The following ATXN2L variants were observed in gnomAD, a reference collection of about 807,000 sequenced individuals.
The protein encoded by ATXN2L is ataxin-2-like protein.
Under a neutral mutation model 120.7 loss-of-function variants are expected in ATXN2L, and 24 were observed. The ratio of observed to expected loss-of-function variants is 0.20; its 90% CI spans 0.14 to 0.28. ATXN2L has a LOEUF of 0.28. Ranked by LOEUF, ATXN2L falls within the 10% of genes least tolerant of loss-of-function variation. The pLI, the probability that ATXN2L is intolerant of heterozygous loss-of-function variation, is 1.00. For synonymous variants in ATXN2L, 653 were observed against 568.1 expected (o/e 1.15, Z -2.13); for missense variants, 1,312 against 1,432.3 (o/e 0.92, Z 1.36).
At position 28,833,239 on chromosome 16, in the gene ATXN2L, C is replaced by G. The variant is rs1280152256; in HGVS notation, c.1840C>G (p.Pro614Ala). ...TAAGGAGGACAAACCACCCCTGGCA[C>G]CATCAGGAGGCACTGAGGGGCCAGA... ...SDKEDKPPLA[P>A]SGGTEGPEQP... The change falls in exon 14 of 22, where the codon CCA becomes GCA. Residue 614 changes from proline (P) to alanine (A), a missense_variant. Physicochemically the swap from Pro to Ala is conservative, Grantham distance 27. Transcript: ENST00000336783. 1.2e-6 allele frequency: 2 copies of G among 1,614,060 alleles called. No homozygotes were observed. Among genetic ancestry groups the G allele is most frequent in the African/African-American group, 2.7e-5 (2 of 74,928 alleles).
chr16:28,825,669 A>G lies in ATXN2L; in HGVS notation c.382A>G (p.Thr128Ala). The change falls in exon 3 of 22, where the codon ACA (threonine) becomes GCA (alanine). Residue 128 changes from threonine to alanine, a missense_variant. Transcript: ENST00000336783. ...CAATTCCAGAATGCTGCATTTCCTT[A>G]CAGCTGTTGTGGTAAGTTGGTACTT... Reference protein sequence around the residue: ...YNNSRMLHFLTAVVGSTCDVK... With the variant: ...YNNSRMLHFLAAVVGSTCDVK... The G allele has an allele frequency of 6.2e-7, 1 of 1,613,834 alleles. No homozygotes were observed.
Position 28,824,127 on chromosome 16 carries a change from C to G in ATXN2L, c.299+569C>G, listed in dbSNP as rs536232378. 41 of 1,023,224 alleles carry G rather than the reference C, an allele frequency of 4.0e-5. No homozygotes were observed. In the South Asian group the frequency reaches 1.1e-3, roughly 28 times the overall value. 63.4% of individuals were successfully genotyped at this position (1,023,224 alleles called of 1,614,324 possible). A position where few individuals can be genotyped will look rare whatever the true frequency, so the allele number is the denominator to read the frequency against. ...TGGGAGGACTGCGGGCCGGGAGCCT[C>G]TGGCGCGCGCGCCCCCTTCCCGTAC... On this transcript the variant is annotated intron_variant, in intron 1 of 21. Coordinates refer to ENST00000336783, the MANE Select transcript of ATXN2L (RefSeq NM_007245.4).
In ATXN2L at chr16:28,834,698, C is replaced by CT; in HGVS notation, c.2433+6dup. On this transcript the variant is annotated splice_donor_region_variant and intron_variant, in intron 18 of 21. Coordinates refer to ENST00000336783, the MANE Select transcript of ATXN2L (RefSeq NM_007245.4). Reference sequence around the variant, plus strand: ...ATGGCCCACTACCCCTCACAGGTGACTGCGGCCCAGGAGGGCAGTGAGGAT... The same window carrying CT: ...ATGGCCCACTACCCCTCACAGGTGACTTGCGGCCCAGGAGGGCAGTGAGGAT... 6.2e-7 allele frequency: 1 copy of CT among 1,604,936 alleles called. No individual in the cohort carries two copies. The highest frequency in any genetic ancestry group is 8.5e-7 in the Non-Finnish European group (1 of 1,173,858).
intron 15 of ATXN2L, 123 bp from the exon 16 acceptor site, chr16:28,833,942 C>A: frequency 8.7e-7 from 1 of 1,148,840 alleles, no homozygotes; most frequent in Non-Finnish European, 1.2e-6. Flanking sequence ...GAGGCTTTAT[C>A]AAGATAAGTG....
chr16:28,826,335 A>T lies in ATXN2L; in HGVS notation c.561A>T (p.Pro187=), dbSNP rs1423041537. ...EDIVDTMVFK[P]SDVMLVHFRN... ...TTGTGGACACCATGGTGTTTAAGCC[A>T]AGTGATGTCATGCTTGTTCACTTCC... is the stretch of plus-strand genomic sequence containing the variant. The change falls in exon 5 of 22, where the codon CCA becomes CCT. Residue 187 remains proline, a synonymous_variant. Coordinates refer to ENST00000336783, the MANE Select transcript of ATXN2L (RefSeq NM_007245.4). 2 of 1,614,206 alleles carry T rather than the reference A, an allele frequency of 1.2e-6. No homozygotes were observed. The highest frequency in any genetic ancestry group is 4.5e-5 in the East Asian group (2 of 44,882).
Position 28,823,254 on chromosome 16 carries a change from G to A in ATXN2L, c.-6G>A. On this transcript the variant is annotated 5_prime_UTR_variant, in exon 1 of 22. Transcript: ENST00000336783. ...CTCTCTAATTCCCCTTCCGGACGCT[G>A]CCATCATGTTGAAGCCTCAGCCGCT... is the stretch of plus-strand genomic sequence containing the variant. 2 of 1,457,874 alleles carry A rather than the reference G, an allele frequency of 1.4e-6. No individual in the cohort carries two copies. Among genetic ancestry groups the A allele is most frequent in the South Asian group, 1.4e-5 (1 of 71,742 alleles). 90.3% of individuals were successfully genotyped at this position (1,457,874 alleles called of 1,614,324 possible).
chr16:28,833,779 C>A, intron 15 of ATXN2L: 1 of 608,510 alleles, frequency 1.6e-6, no homozygotes, highest in Non-Finnish European at 2.9e-6. Context: ...TGGCATTTGG[C>A]TGAGGGAGTA....
intron 1 of ATXN2L, chr16:28,824,789 C>T (rs1200262337): frequency 5.3e-6 from 1 of 187,064 alleles, no homozygotes; most frequent in African/African-American, 2.4e-5. Context: ...GCCCCTTTCT[C>T]GTTGGTTCTT....
In ATXN2L at chr16:28,823,233, C is replaced by T. The variant is rs762800477; in HGVS notation, c.-27C>T. ...GGCCCCCTCTCTCCCTCCCTTCTCT[C>T]TAATTCCCCTTCCGGACGCTGCCAT... On this transcript the variant is annotated 5_prime_UTR_variant, in exon 1 of 22. Transcript: ENST00000336783. 5 of 1,412,950 alleles carry T rather than the reference C, an allele frequency of 3.5e-6. No individual in the cohort carries two copies. Among genetic ancestry groups the T allele is most frequent in the African/African-American group, 1.5e-5 (1 of 66,956 alleles). 87.5% of individuals were successfully genotyped at this position (1,412,950 alleles called of 1,614,324 possible).
chr16:28,834,770 TG>T, intron 18 of ATXN2L, 77 bp downstream of exon 18: 1 of 1,470,566 alleles, frequency 6.8e-7, no homozygotes, highest in Admixed American at 2.1e-5. Flanking sequence ...ACTTGGGAGC[TG>T]GCTAGGGGTG....
chr16:28,830,740 T>C lies in ATXN2L; in HGVS notation c.1160T>C (p.Leu387Pro). Residue 387 changes from leucine (L) to proline (P), a missense_variant, in exon 9 of 22, where the codon CTG becomes CCG. Leu to Pro is a moderately conservative substitution (Grantham distance 98). Coordinates refer to ENST00000336783, the MANE Select transcript of ATXN2L (RefSeq NM_007245.4). Reference protein sequence around the residue: ...SSLPPRGPHHLDNSSPGPGSE... With the variant: ...SSLPPRGPHHPDNSSPGPGSE... Reference sequence around the variant, plus strand: ...TTGCCACCTCGTGGCCCTCACCATCTGGACAACAGCAGCCCTGGCCCAGGT... The same window carrying C: ...TTGCCACCTCGTGGCCCTCACCATCCGGACAACAGCAGCCCTGGCCCAGGT... 1 of 1,613,178 alleles carries C rather than the reference T, an allele frequency of 6.2e-7. No individual in the cohort carries two copies. The highest frequency in any genetic ancestry group is 8.5e-7 in the Non-Finnish European group (1 of 1,179,692).
In ATXN2L at chr16:28,833,124, G is replaced by A. The variant is rs376795036; in HGVS notation, c.1725G>A (p.Glu575=). ...TTCCTCCCCGGATCTTAAAGGAGGA[G>A]CCCAAAGGAAAGGAGAAAGAGGTTG... is the stretch of plus-strand genomic sequence containing the variant. ...DPFPPRILKE[E]PKGKEKEVDG... The change falls in exon 14 of 22, where the codon GAG becomes GAA. Residue 575 remains glutamate (E), a synonymous_variant. Transcript: ENST00000336783. 3.1e-6 allele frequency: 5 copies of A among 1,614,220 alleles called. No individual in the cohort carries two copies. Among genetic ancestry groups the A allele is most frequent in the Non-Finnish European group, 4.2e-6 (5 of 1,180,026 alleles).
chr16:28,830,084 A>C (rs778052449), intron 8 of ATXN2L, 26 bp downstream of exon 8: 1 of 1,592,470 alleles, frequency 6.3e-7, no homozygotes, highest in South Asian at 1.1e-5. Context: ...AGCCAGGACT[A>C]CTTGGGGCTT....
At position 28,836,716 on chromosome 16, in the gene ATXN2L, C is replaced by G. The variant is rs777876148; in HGVS notation, c.*451C>G. On this transcript the variant is annotated 3_prime_UTR_variant, in exon 22 of 22. Coordinates refer to ENST00000336783, the MANE Select transcript of ATXN2L (RefSeq NM_007245.4). ...TAATGCTCCTGCTCTCTTCTCTTTCCCCTCCAACCAGTTCAATCTCATCCC... is the reference window on the plus strand; with the variant it reads ...TAATGCTCCTGCTCTCTTCTCTTTCGCCTCCAACCAGTTCAATCTCATCCC... The G allele has an allele frequency of 6.2e-7, 1 of 1,613,826 alleles. No homozygotes were observed. Among genetic ancestry groups the G allele is most frequent in the East Asian group, 2.2e-5 (1 of 44,876 alleles).
At position 28,835,298 on chromosome 16, in the gene ATXN2L, C is replaced by T. The variant is rs1319614978; in HGVS notation, c.2584C>T (p.Pro862Ser). 2 of 1,613,750 alleles carry T rather than the reference C, an allele frequency of 1.2e-6. No individual in the cohort carries two copies. The change falls in exon 20 of 22, where the codon CCA (proline) becomes TCA (serine). Residue 862 changes from proline (P) to serine (S), a missense_variant. Coordinates refer to ENST00000336783, the MANE Select transcript of ATXN2L (RefSeq NM_007245.4). ...TGCAGCCACTGTTCACCAGTCCTAC[C>T]CACACCATGCCACACAGCTCCATGC... is the stretch of plus-strand genomic sequence containing the variant. ...ALYATVHQSY[P>S]HHATQLHAHQ...
At position 28,835,411 on chromosome 16, in the gene ATXN2L, G is replaced by A. The variant is rs1423572799; in HGVS notation, c.2685+12G>A. The stretch of plus-strand genomic sequence containing the variant: ...CCAGTCCTGTCCAGGTGCCTGCCAT[G>A]GGGGGTGCTGAGTGGTCCTGGTGCA... On this transcript the variant is annotated intron_variant, in intron 20 of 21. Transcript: ENST00000336783. 4 of 1,612,032 alleles carry A rather than the reference G, an allele frequency of 2.5e-6. No individual in the cohort carries two copies. The Admixed American group carries it at 6.7e-5, about 27-fold the overall frequency.
chr16:28,831,619 C>T (rs2054468363), intron 10 of ATXN2L, among the ~76,000 whole-genome samples: 2 of 152,204 alleles, frequency 1.3e-5, no homozygotes, highest in Admixed American at 6.5e-5. Context: ...TGAGCCACCA[C>T]ACCCTGCCAG....
intron 1 of ATXN2L, 94 bp downstream of exon 1, chr16:28,823,652 G>A (rs1319783690): frequency 1.7e-6 from 2 of 1,185,436 alleles, no homozygotes; most frequent in Non-Finnish European, 1.1e-6. Flanking sequence ...CACCGTCAGG[G>A]GCACCGGCTG....
chr16:28,834,117 C>T lies in ATXN2L; in HGVS notation c.2078C>T (p.Pro693Leu), dbSNP rs2152096256. The change falls in exon 16 of 22, where the codon CCC (proline) becomes CTC (leucine). Residue 693 changes from proline (P) to leucine (L), a missense_variant. By Grantham distance (98) the Pro-to-Leu change is moderately conservative. Coordinates refer to ENST00000336783, the MANE Select transcript of ATXN2L (RefSeq NM_007245.4). ...TSPGPRTHSTPSIPVLTAGQS... is the reference protein window; with the variant it reads ...TSPGPRTHSTLSIPVLTAGQS... ...CCGGGGCCCCGGACTCATTCAACTCCCTCCATCCCGGTGCTGACAGCAGGC... is the reference window on the plus strand; with the variant it reads ...CCGGGGCCCCGGACTCATTCAACTCTCTCCATCCCGGTGCTGACAGCAGGC... 1 of 1,614,184 alleles carries T rather than the reference C, an allele frequency of 6.2e-7. No individual in the cohort carries two copies. The highest frequency in any genetic ancestry group is 8.5e-7 in the Non-Finnish European group (1 of 1,180,024).
Sources: gnomAD v4.1 joint callset for allele counts (sites outside exome capture counted in the v4.1 genomes callset) on GRCh38, gnomAD v4.1.1 for gene constraint, MANE v1.5 for transcripts, NCBI Gene and HGNC (gene_info 2026-07-23, HGNC 2026-07-21) for gene names.